Variants in GPC5 observed in about 807,000 individuals in gnomAD.
GPC5 encodes the protein glypican 5, also known as glypican-5.
GPC5 carries 47 observed loss-of-function variants against 53.9 expected under a neutral mutation model. The ratio of observed to expected loss-of-function variants is 0.87; its 90% confidence interval spans 0.69 to 1.11. The LOEUF is 1.11. Ranked by LOEUF, GPC5 falls within the 50% of genes most tolerant of loss-of-function variation. The pLI, the probability that GPC5 is intolerant of heterozygous loss-of-function variation, is 0.00. For missense variants in GPC5, 748 were observed against 713.1 expected, an observed-to-expected ratio of 1.05 and a Z score of -0.56; for synonymous variants, 286 against 263.3, an observed-to-expected ratio of 1.09 and a Z score of -0.84.
intron 2 of GPC5, among the ~76,000 whole-genome samples, chr13:91,692,074 T>C (rs2035768829): frequency 6.6e-6 from 1 of 152,190 alleles, no homozygotes; most frequent in African/African-American, 2.4e-5. Flanking sequence ...ATTCCAACTT[T>C]CTATTTTTAG....
chr13:92,391,496 G>C (rs1035025181), intron 7 of GPC5, among the ~76,000 whole-genome samples: 1 of 152,030 alleles, frequency 6.6e-6, no homozygotes, highest in African/African-American at 2.4e-5. Context: ...GGGGAACTTT[G>C]ATGCTGAATA....
intron 2 of GPC5, among the ~76,000 whole-genome samples, chr13:91,454,166 C>T (rs182298635): frequency 1.3e-5 from 2 of 152,030 alleles, no homozygotes; most frequent in East Asian, 3.9e-4. Flanking sequence ...TTTGAATCGG[C>T]GTCAACAGGC....
chr13:91,810,619 A>G (rs2038295527), intron 5 of GPC5, among the ~76,000 whole-genome samples: 1 of 152,000 alleles, frequency 6.6e-6, no homozygotes, highest in Non-Finnish European at 1.5e-5. Context: ...AATCTGTTGA[A>G]ATAACTATGA....
At chr13:92,665,521 ATTAT>A (rs1456788936) in intron 7 of GPC5, among the ~76,000 whole-genome samples, 1 of 152,168 alleles carries the variant, frequency 6.6e-6, no homozygotes, top group East Asian at 1.9e-4. Flanking sequence ...GACCTCGGCC[ATTAT>A]TTCTGCTTTC....
At chr13:92,424,791 GAC>G (rs1243797055) in intron 7 of GPC5, among the ~76,000 whole-genome samples, 1 of 151,414 alleles carries the variant, frequency 6.6e-6, no homozygotes, top group Non-Finnish European at 1.5e-5. Context: ...TTCTATAGTT[GAC>G]ACAAATCAAT....
chr13:91,880,364 A>G (rs1416227076), intron 5 of GPC5, among the ~76,000 whole-genome samples: 1 of 151,988 alleles, frequency 6.6e-6, no homozygotes, highest in Non-Finnish European at 1.5e-5. Context: ...ATTATGGGCT[A>G]TTTGTTAAAG....
intron 5 of GPC5, among the ~76,000 whole-genome samples, chr13:91,780,565 T>A (rs2037782737): frequency 6.6e-6 from 1 of 152,202 alleles, no homozygotes; most frequent in African/African-American, 2.4e-5. Flanking sequence ...AACAATTATC[T>A]GTTATTGTTT....
At chr13:92,434,678 T>G (rs972338752) in intron 7 of GPC5, among the ~76,000 whole-genome samples, 1 of 152,168 alleles carries the variant, frequency 6.6e-6, no homozygotes, top group Admixed American at 6.5e-5. Flanking sequence ...TGCAGTGTGA[T>G]AAAAATTTAA....
intron 6 of GPC5, among the ~76,000 whole-genome samples, chr13:92,089,721 A>T (rs1183441149): frequency 6.6e-6 from 1 of 152,178 alleles, no homozygotes; most frequent in African/African-American, 2.4e-5. Flanking sequence ...ATTAATTATT[A>T]CTTTAACTAT....
chr13:91,649,847 C>G (rs997983675), intron 2 of GPC5, among the ~76,000 whole-genome samples: 1 of 152,156 alleles, frequency 6.6e-6, no homozygotes, highest in Non-Finnish European at 1.5e-5. Context: ...CATTCCCAGG[C>G]AGTCAAAAGT....
intron 7 of GPC5, among the ~76,000 whole-genome samples, chr13:92,648,196 G>A (rs1696400417): frequency 6.6e-6 from 1 of 151,986 alleles, no homozygotes; most frequent in Non-Finnish European, 1.5e-5. Context: ...ACTTTGCTTT[G>A]TGATATTTCT....
chr13:92,195,684 C>T (rs8000472), intron 7 of GPC5, among the ~76,000 whole-genome samples: 3,420 of 152,160 alleles, frequency 0.022, 112 homozygotes, highest in African/African-American at 0.077. Context: ...ATGGCAAACA[C>T]GAAATATCTG....
intron 7 of GPC5, among the ~76,000 whole-genome samples, chr13:92,426,920 A>G (rs1876861591): frequency 6.6e-6 from 1 of 152,002 alleles, no homozygotes. Flanking sequence ...AGAGAGAACT[A>G]GTTAAATCAT....
chr13:91,801,707 A>C (rs1468462840), intron 5 of GPC5, among the ~76,000 whole-genome samples: 1 of 152,218 alleles, frequency 6.6e-6, no homozygotes, highest in Non-Finnish European at 1.5e-5. Flanking sequence ...CGTACTTAGC[A>C]TTGTGGTAAC....
intron 7 of GPC5, among the ~76,000 whole-genome samples, chr13:92,355,165 A>C (rs1435635946): frequency 6.6e-6 from 1 of 151,800 alleles, no homozygotes; most frequent in Non-Finnish European, 1.5e-5. Context: ...TTTGAAGAAA[A>C]ATTATTCTCA....
chr13:91,772,972 T>G (rs1446971630), intron 5 of GPC5, among the ~76,000 whole-genome samples: 1 of 152,152 alleles, frequency 6.6e-6, no homozygotes, highest in African/African-American at 2.4e-5. Flanking sequence ...AAGAACACAT[T>G]TGTATTGCAA....
intron 7 of GPC5, among the ~76,000 whole-genome samples, chr13:92,417,785 G>C (rs1374531152): frequency 6.6e-6 from 1 of 152,210 alleles, no homozygotes; most frequent in African/African-American, 2.4e-5. Context: ...CAGCTATTCG[G>C]GGGGCTGATG....
intron 7 of GPC5, chr13:92,241,451 A>G (rs2042610949): frequency 6.6e-6 from 1 of 152,166 alleles, no homozygotes; most frequent in African/African-American, 2.4e-5. Context: ...GAGTTTTAGC[A>G]GTTCACAGTA....
At chr13:92,721,813 T>C (rs78956231) in intron 7 of GPC5, among the ~76,000 whole-genome samples, 7,860 of 152,008 alleles carry the variant, frequency 0.052, 593 homozygotes, top group East Asian at 0.32. Flanking sequence ...GGGGGGTTCA[T>C]AAAAGTCACC....
Sources: allele counts gnomAD v4.1 joint callset (sites outside exome capture counted in the v4.1 genomes callset), GRCh38; gene constraint gnomAD v4.1.1; transcripts MANE v1.5; gene names NCBI Gene and HGNC (gene_info 2026-07-23, HGNC 2026-07-21).